JPT1: variants seen among roughly 807,000 people sequenced by gnomAD.
The protein encoded by JPT1 is androgen-regulated protein 2.
Under a neutral mutation model 17.0 loss-of-function variants are expected in JPT1, and 5 were observed. That is an observed-to-expected ratio of 0.29 (90% CI 0.15 to 0.62). The LOEUF (loss-of-function observed/expected upper bound fraction) is 0.62. Among genes scored for constraint, JPT1 ranks in the 20% least tolerant of loss-of-function variants. The pLI, the probability that JPT1 is intolerant of heterozygous loss-of-function variation, is 0.85. For synonymous variants in JPT1, 71 were observed against 73.6 expected, an observed-to-expected ratio of 0.96 and a Z score of 0.18; for missense variants, 158 against 188.1, an observed-to-expected ratio of 0.84 and a Z score of 0.94.
chr17:75,144,459 C>T (rs2074385349), intron 4 of JPT1, among the ~76,000 whole-genome samples: 1 of 152,028 alleles, frequency 6.6e-6, no homozygotes, highest in South Asian at 2.1e-4. Flanking sequence ...TTGCAGTGAG[C>T]TGTGAGGGTG....
chr17:75,143,592 T>C (rs1383871474), intron 4 of JPT1, among the ~76,000 whole-genome samples: 2 of 151,284 alleles, frequency 1.3e-5, no homozygotes. Flanking sequence ...TCTTAGCACT[T>C]TGGGAGGCTG....
chr17:75,154,488 GAC>G lies in JPT1; in HGVS notation c.-93_-92del. ...CTGGGAAACTCCACACCCAACAGCC[GAC>G]CACCGCTGCAGGAGCCGCCGCTGCC... On this transcript the variant is annotated 5_prime_UTR_variant, in exon 1 of 5. Transcript: ENST00000409753. The G allele has an allele frequency of 8.1e-7, 1 of 1,242,050 alleles. No individual in the cohort carries two copies. Among genetic ancestry groups the G allele is most frequent in the South Asian group, 1.3e-5 (1 of 74,458 alleles). 76.9% of individuals were successfully genotyped at this position (1,242,050 alleles called of 1,614,324 possible).
chr17:75,139,875 T>G (rs1364022605), intron 4 of JPT1, among the ~76,000 whole-genome samples: 1 of 152,044 alleles, frequency 6.6e-6, no homozygotes, highest in Admixed American at 6.6e-5. Flanking sequence ...GAGGGAGGTT[T>G]GTTTGTTTCC....
chr17:75,138,438 T>C (rs1391840731), intron 4 of JPT1: 6 of 150,798 alleles, frequency 4.0e-5, no homozygotes, highest in African/African-American at 1.5e-4. Context: ...AGACTGTGTC[T>C]CATTCCATCG....
intron 4 of JPT1, chr17:75,138,540 T>C (rs1361232687): frequency 1.3e-5 from 2 of 151,758 alleles, no homozygotes; most frequent in Non-Finnish European, 2.9e-5. Context: ...TCCCAATAGC[T>C]GGGGTTATAG....
intron 1 of JPT1, among the ~76,000 whole-genome samples, chr17:75,149,931 GTCTCT>G (rs2074515876): frequency 6.6e-6 from 1 of 151,804 alleles, no homozygotes; most frequent in Non-Finnish European, 1.5e-5. Context: ...GCTGATAATA[GTCTCT>G]TCTATCTCAA....
chr17:75,147,308 T>C (rs901536402), intron 3 of JPT1, among the ~76,000 whole-genome samples: 5 of 152,134 alleles, frequency 3.3e-5, no homozygotes, highest in Admixed American at 3.3e-4. Context: ...GTGAGAAAGA[T>C]CCACAAGTTC....
chr17:75,146,147 A>G (rs1225043000), intron 4 of JPT1, among the ~76,000 whole-genome samples: 1 of 152,070 alleles, frequency 6.6e-6, no homozygotes, highest in South Asian at 2.1e-4. Flanking sequence ...GTGTTTAGAT[A>G]TATTTTGGTT....
At position 75,148,653 on chromosome 17, in the gene JPT1, A is replaced by T; in HGVS notation, c.75T>A (p.Gly25=). 5 of 1,614,148 alleles carry T rather than the reference A, an allele frequency of 3.1e-6. No individual in the cohort carries two copies. Among genetic ancestry groups the T allele is most frequent in the Non-Finnish European group, 3.4e-6 (4 of 1,180,026 alleles). ...AACCTAATGAAAAATTGGATCCACCACCTGGAGGCCGCAAAACTCTGCAAA... is the reference window on the plus strand; with the variant it reads ...AACCTAATGAAAAATTGGATCCACCTCCTGGAGGCCGCAAAACTCTGCAAA... The part of the protein sequence containing the change: ...RNSSRVLRPP[G]GGSNFSLGFD... The change falls in exon 2 of 5, where the codon GGT becomes GGA. Residue 25 remains glycine, a synonymous_variant. Coordinates refer to ENST00000409753, the MANE Select transcript of JPT1 (RefSeq NM_016185.4).
At chr17:75,145,222 GGA>G (rs145769335) in intron 4 of JPT1, 71,109 of 149,246 alleles carry the variant, frequency 0.48, 20,526 homozygotes, top group Non-Finnish European at 0.65. Context: ...TGAGAAGGCA[GGA>G]GAGGAATCTG....
At chr17:75,140,835 T>C (rs1249731717) in intron 4 of JPT1, among the ~76,000 whole-genome samples, 1 of 152,178 alleles carries the variant, frequency 6.6e-6, no homozygotes, top group Admixed American at 6.5e-5. Context: ...CTCACGCCTG[T>C]AATCCCGACA....
rs1034977604 is a variant in JPT1 at position 75,149,604 on chromosome 17, T to C, written c.57-933A>G. ...GGATGCTCTTGATCTCCTGACCTCATGATCCACTCACCTCGGCCTCCCAAA... is the reference window on the plus strand; with the variant it reads ...GGATGCTCTTGATCTCCTGACCTCACGATCCACTCACCTCGGCCTCCCAAA... On this transcript the variant is annotated intron_variant, in intron 1 of 4. Coordinates refer to ENST00000409753, the MANE Select transcript of JPT1 (RefSeq NM_016185.4). Among the ~76,000 whole-genome samples the C allele has an allele frequency of 9.2e-5, 14 of 151,978 alleles. No individual in the cohort carries two copies. The East Asian group carries it at 2.5e-3, about 27-fold the overall frequency.
chr17:75,150,597 A>T (rs897991810), intron 1 of JPT1, among the ~76,000 whole-genome samples: 11 of 152,104 alleles, frequency 7.2e-5, no homozygotes, highest in Non-Finnish European at 1.6e-4. Context: ...CATGTTGGTC[A>T]GGCTGGTCTT....
chr17:75,148,951 G>T, intron 1 of JPT1: 2 of 1,149,536 alleles, frequency 1.7e-6, no homozygotes, highest in Non-Finnish European at 2.3e-6. Context: ...CAGCCTGGTT[G>T]GTGTCCCCTT....
intron 4 of JPT1, among the ~76,000 whole-genome samples, chr17:75,144,016 C>G (rs986527361): frequency 6.6e-6 from 1 of 151,726 alleles, no homozygotes; most frequent in Non-Finnish European, 1.5e-5. Flanking sequence ...GACCAAAACC[C>G]AGTCTTAAAA....
At chr17:75,142,384 ACT>A (rs899607317) in intron 4 of JPT1, among the ~76,000 whole-genome samples, 4 of 150,086 alleles carry the variant, frequency 2.7e-5, no homozygotes, top group South Asian at 4.3e-4. Context: ...ACATGTTGAA[ACT>A]CTGTCTCTAC....
chr17:75,147,916 T>C (rs556141423), intron 2 of JPT1: 2 of 400,740 alleles, frequency 5.0e-6, no homozygotes, highest in Admixed American at 3.5e-5. Flanking sequence ...GAAGAATCAC[T>C]TGAACTCGGG....
intron 4 of JPT1, among the ~76,000 whole-genome samples, chr17:75,140,383 A>C (rs1433115299): frequency 6.6e-6 from 1 of 152,208 alleles, no homozygotes; most frequent in Non-Finnish European, 1.5e-5. Context: ...GAACAAAGAC[A>C]TCTCTATCTG....
chr17:75,136,525 G>A (rs1037499492), intron 4 of JPT1, among the ~76,000 whole-genome samples: 4 of 151,872 alleles, frequency 2.6e-5, no homozygotes, highest in East Asian at 1.9e-4. Flanking sequence ...ACGGAGTCTC[G>A]CTGTTGCCCA....
Sources: gnomAD v4.1 joint callset for allele counts (sites outside exome capture counted in the v4.1 genomes callset) on GRCh38, gnomAD v4.1.1 for gene constraint, MANE v1.5 for transcripts, NCBI Gene and HGNC (gene_info 2026-07-23, HGNC 2026-07-21) for gene names.